ADAMTS19: variants seen among roughly 807,000 people sequenced by gnomAD.
ADAMTS19 encodes the protein ADAM metallopeptidase with thrombospondin type 1 motif 19, also known as A disintegrin and metalloproteinase with thrombospondin motifs 19.
ADAMTS19 carries 93 observed loss-of-function variants against 153.3 expected under a neutral mutation model. That is an observed-to-expected ratio of 0.61 (90% CI 0.51 to 0.72). ADAMTS19 has a LOEUF of 0.72. ADAMTS19 is among the 30% of genes least tolerant of loss of function. ADAMTS19 has a pLI of 0.00. For missense variants in ADAMTS19, 1,482 were observed against 1,552.1 expected (o/e 0.95, Z 0.76); for synonymous variants, 600 against 556.6 (o/e 1.08, Z -1.10).
intron 13 of ADAMTS19, among the ~76,000 whole-genome samples, chr5:129,651,529 G>A (rs1377890959): frequency 1.3e-5 from 2 of 152,096 alleles, no homozygotes; most frequent in East Asian, 3.9e-4. Flanking sequence ...AGATACATCT[G>A]CTCTCTTATT....
At chr5:129,667,293 G>A (rs1392440125) in intron 16 of ADAMTS19, among the ~76,000 whole-genome samples, 1 of 152,014 alleles carries the variant, frequency 6.6e-6, no homozygotes, top group African/African-American at 2.4e-5. Flanking sequence ...TCTTTTCTCT[G>A]CTATATTCTG....
chr5:129,644,104 A>T (rs1454848193), intron 11 of ADAMTS19, among the ~76,000 whole-genome samples: 2 of 152,228 alleles, frequency 1.3e-5, no homozygotes, highest in Non-Finnish European at 2.9e-5. Flanking sequence ...TCTTTAAAGT[A>T]AACTTATTTT....
intron 2 of ADAMTS19, among the ~76,000 whole-genome samples, chr5:129,500,969 A>G (rs1751082685): frequency 6.6e-6 from 1 of 152,204 alleles, no homozygotes; most frequent in Non-Finnish European, 1.5e-5. Flanking sequence ...TAAAATTCTA[A>G]AATATATCTA....
At chr5:129,570,289 A>T (rs1753851120) in intron 7 of ADAMTS19, among the ~76,000 whole-genome samples, 3 of 151,886 alleles carry the variant, frequency 2.0e-5, no homozygotes, top group African/African-American at 7.2e-5. Context: ...ATTAGGGAAT[A>T]ATAAAAATAG....
At chr5:129,468,708 G>GGT in intron 2 of ADAMTS19, among the ~76,000 whole-genome samples, 1 of 151,978 alleles carries the variant, frequency 6.6e-6, no homozygotes, top group Non-Finnish European at 1.5e-5. Context: ...GTTATGGTGA[G>GGT]GTTGAGTGTC....
intron 7 of ADAMTS19, among the ~76,000 whole-genome samples, chr5:129,583,336 C>T (rs144701757): frequency 1.3e-5 from 2 of 152,064 alleles, no homozygotes; most frequent in East Asian, 1.9e-4. Flanking sequence ...TCTAGCTGCC[C>T]TTAACATTTT....
At chr5:129,553,042 T>A (rs1394796141) in intron 7 of ADAMTS19, among the ~76,000 whole-genome samples, 1 of 152,100 alleles carries the variant, frequency 6.6e-6, no homozygotes, top group Admixed American at 6.6e-5. Context: ...TTTTCTTCTT[T>A]TCCTGTCTGA....
chr5:129,527,628 TTTTTTA>T, intron 4 of ADAMTS19, 114 bp from the exon 5 acceptor site: 14 of 297,994 alleles, frequency 4.7e-5, no homozygotes, highest in East Asian at 7.8e-5. Context: ...TTTTTTTTTT[TTTTTTA>T]AAAAAAAAAA....
intron 11 of ADAMTS19, among the ~76,000 whole-genome samples, chr5:129,643,010 G>C (rs1052620327): frequency 1.3e-5 from 2 of 152,064 alleles, no homozygotes; most frequent in African/African-American, 4.8e-5. Flanking sequence ...CAATGTAGTT[G>C]TTAAAAAATG....
intron 10 of ADAMTS19, among the ~76,000 whole-genome samples, chr5:129,640,880 A>T (rs3853510): frequency 2.6e-5 from 4 of 151,888 alleles, no homozygotes; most frequent in African/African-American, 9.7e-5. Context: ...GCTGGAGTAC[A>T]GTGGCACGGT....
At chr5:129,569,175 C>A (rs532474141) in intron 7 of ADAMTS19, among the ~76,000 whole-genome samples, 12 of 152,056 alleles carry the variant, frequency 7.9e-5, no homozygotes, top group African/African-American at 2.6e-4. Context: ...AACAAAAAAA[C>A]CCTCAAGTGA....
chr5:129,527,851 T>A lies in ADAMTS19; in HGVS notation c.1170+20T>A. 1 of 1,469,864 alleles carries A rather than the reference T, an allele frequency of 6.8e-7. No individual in the cohort carries two copies. 91.1% of individuals were successfully genotyped at this position (1,469,864 alleles called of 1,614,324 possible). A position where few individuals can be genotyped will look rare whatever the true frequency, so the allele number is the denominator to read the frequency against. On this transcript the variant is annotated intron_variant, in intron 5 of 22. Transcript: ENST00000274487. Reference sequence around the variant, plus strand: ...ACTCCAGTAAGAAAGTCTTGAGTTTTTTATTAAATTAAATGGGGGAGAAAT... The same window carrying A: ...ACTCCAGTAAGAAAGTCTTGAGTTTATTATTAAATTAAATGGGGGAGAAAT...
intron 2 of ADAMTS19, among the ~76,000 whole-genome samples, chr5:129,479,966 T>C (rs184015833): frequency 1.8e-3 from 269 of 152,300 alleles, no homozygotes; most frequent in African/African-American, 6.1e-3. Flanking sequence ...AATATGTTTA[T>C]AGTTATGGAA....
chr5:129,494,119 G>C (rs1380633459), intron 2 of ADAMTS19, among the ~76,000 whole-genome samples: 1 of 151,652 alleles, frequency 6.6e-6, no homozygotes, highest in East Asian at 1.9e-4. Flanking sequence ...AAATTATATT[G>C]CTTTTAGTAT....
chr5:129,482,930 G>A (rs955793738), intron 2 of ADAMTS19, among the ~76,000 whole-genome samples: 2 of 151,698 alleles, frequency 1.3e-5, no homozygotes, highest in African/African-American at 4.8e-5. Context: ...GGTATTATAG[G>A]GTCATAAATA....
At chr5:129,610,091 T>A (rs6595915) in intron 8 of ADAMTS19, among the ~76,000 whole-genome samples, 101,188 of 141,136 alleles carry the variant, frequency 0.72, 35,869 homozygotes, top group Non-Finnish European at 0.8. Context: ...TAGGTAGTGG[T>A]ATTATATATA....
chr5:129,487,012 C>A (rs527236310), intron 2 of ADAMTS19, among the ~76,000 whole-genome samples: 2 of 152,226 alleles, frequency 1.3e-5, no homozygotes, highest in African/African-American at 2.4e-5. Context: ...CCTCTTACCC[C>A]CTTCCTGTCA....
intron 7 of ADAMTS19, among the ~76,000 whole-genome samples, chr5:129,577,009 T>C (rs1256700791): frequency 6.6e-6 from 1 of 152,076 alleles, no homozygotes; most frequent in Non-Finnish European, 1.5e-5. Context: ...GGCTCAGGAA[T>C]AACTCAGCCC....
intron 6 of ADAMTS19, among the ~76,000 whole-genome samples, chr5:129,548,510 A>C (rs1301819183): frequency 6.6e-6 from 1 of 152,050 alleles, no homozygotes; most frequent in Non-Finnish European, 1.5e-5. Context: ...GGCAATCATT[A>C]AAAAGTCAGG....
Sources: gnomAD v4.1 joint callset for allele counts (sites outside exome capture counted in the v4.1 genomes callset) on GRCh38, gnomAD v4.1.1 for gene constraint, MANE v1.5 for transcripts, NCBI Gene and HGNC (gene_info 2026-07-23, HGNC 2026-07-21) for gene names.